MMP1: variants seen among roughly 807,000 people sequenced by gnomAD.
MMP1 encodes interstitial collagenase.
Under a neutral mutation model 49.6 loss-of-function variants are expected in MMP1, and 51 were observed. That is an observed-to-expected ratio of 1.03 (90% CI 0.82 to 1.30). The LOEUF is 1.30. Ranked by LOEUF, MMP1 falls within the 50% of genes most tolerant of loss-of-function variation. MMP1 has a pLI of 0.00. For synonymous variants in MMP1, 230 were observed against 196.8 expected, an observed-to-expected ratio of 1.17 and a Z score of -1.41; for missense variants, 623 against 568.7, an observed-to-expected ratio of 1.10 and a Z score of -0.97.
Position 102,794,995 on chromosome 11 carries a change from G to A in MMP1, c.899+179C>T, listed in dbSNP as rs938464660. On this transcript the variant is annotated intron_variant, in intron 6 of 9. Coordinates refer to ENST00000315274, the MANE Select transcript of MMP1 (RefSeq NM_002421.4). This position sits in a 1 kb window ranked among gnomAD's most constrained non-coding sequence, Gnocchi z 4.3. Reference sequence around the variant, plus strand: ...CTGAGAATCAGTTGACCTAATACATGTAGAAAAACAAAGTTGTTACAAGTA... The same window carrying A: ...CTGAGAATCAGTTGACCTAATACATATAGAAAAACAAAGTTGTTACAAGTA... Among the ~76,000 whole-genome samples the A allele has an allele frequency of 6.6e-6, 1 of 152,190 alleles. No homozygotes were observed. The highest frequency in any genetic ancestry group is 2.4e-5 in the African/African-American group (1 of 41,440).
rs769474098 is a variant in MMP1, at chr11:102,797,426, C to T, written c.180G>A (p.Val60=). 1 of 1,614,072 alleles carries T rather than the reference C, an allele frequency of 6.2e-7. No homozygotes were observed. Among genetic ancestry groups the T allele is most frequent in the Non-Finnish European group, 8.5e-7 (1 of 1,180,028 alleles). The change falls in exon 2 of 10, where the codon GTG becomes GTA. Residue 60 remains valine, a synonymous_variant. Transcript: ENST00000315274. The part of the protein sequence containing the change: ...QVEKRRNSGP[V]VEKLKQMQEF... Reference sequence around the variant, plus strand: ...CCTGCATTTGCTTCAATTTTTCAACCACTGGGCCACTATTTCTCCGCTTTT... The same window carrying T: ...CCTGCATTTGCTTCAATTTTTCAACTACTGGGCCACTATTTCTCCGCTTTT...
intron 5 of MMP1, 70 bp from the exon 6 acceptor site, chr11:102,795,361 C>T (rs1196321795): frequency 6.3e-7 from 1 of 1,597,168 alleles, no homozygotes; most frequent in African/African-American, 1.3e-5. Context: ...ATGAAGACAG[C>T]TTCTTCAAGG....
At chr11:102,790,561 T>G (rs761280098) in intron 9 of MMP1, 40 bp from the exon 10 acceptor site, 1 of 1,408,798 alleles carries the variant, frequency 7.1e-7, no homozygotes, top group Non-Finnish European at 9.9e-7. Context: ...ATTATACAAG[T>G]AGTTTCTAGG....
chr11:102,790,840 T>C, intron 8 of MMP1, 34 bp from the exon 9 acceptor site: 1 of 1,177,136 alleles, frequency 8.5e-7, no homozygotes, highest in Non-Finnish European at 1.3e-6. Context: ...GTCAGACCTT[T>C]TGCTAAACAT....
In MMP1 at chr11:102,798,123, G is replaced by A. The variant is rs1236940814; in HGVS notation, c.-31C>T. ...CCTTTGTCTTCTTTCTCAGTGCAAG[G>A]TAAGTGATGGCTTCCCAGCCTCTTG... On this transcript the variant is annotated 5_prime_UTR_variant, in exon 1 of 10. Transcript: ENST00000315274. 1.9e-6 allele frequency: 3 copies of A among 1,563,872 alleles called. No homozygotes were observed. Among genetic ancestry groups the A allele is most frequent in the Non-Finnish European group, 2.6e-6 (3 of 1,150,454 alleles).
intron 7 of MMP1, 117 bp from the exon 8 acceptor site, chr11:102,791,612 A>G: frequency 9.0e-7 from 1 of 1,115,884 alleles, no homozygotes; most frequent in South Asian, 1.6e-5. Flanking sequence ...TGCAGATTAG[A>G]ATCATCTAGG....
chr11:102,795,239 A>C lies in MMP1; in HGVS notation c.834T>G (p.Cys278Trp), dbSNP rs1246792892. 1.9e-6 allele frequency: 3 copies of C among 1,614,152 alleles called. No individual in the cohort carries two copies. The South Asian group carries it at 3.3e-5, about 18-fold the overall frequency. Residue 278 changes from cysteine to tryptophan, a missense_variant, in exon 6 of 10, where the codon TGT becomes TGG. By Grantham distance (215) the Cys-to-Trp change is radical. Coordinates refer to ENST00000315274, the MANE Select transcript of MMP1 (RefSeq NM_002421.4). Reference sequence around the variant, plus strand: ...TAGCATCAAAGGTTAGCTTACTGTCACACGCTTTTGGGGTTTGTGGGCCGA... The same window carrying C: ...TAGCATCAAAGGTTAGCTTACTGTCCCACGCTTTTGGGGTTTGTGGGCCGA... Reference protein sequence around the residue: ...QPIGPQTPKACDSKLTFDAIT... With the variant: ...QPIGPQTPKAWDSKLTFDAIT...
Position 102,792,711 on chromosome 11 carries a change from G to A in MMP1, c.927C>T (p.Tyr309=). ...AAATGAAATTGAGCTCAACTTCCGG[G>A]TAGAAGGGATTTGTGCGCATGTAGA... ...DRFYMRTNPF[Y]PEVELNFISV... Residue 309 remains tyrosine, a synonymous_variant, in exon 7 of 10, where the codon TAC becomes TAT. Coordinates refer to ENST00000315274, the MANE Select transcript of MMP1 (RefSeq NM_002421.4). 1 of 1,613,642 alleles carries A rather than the reference G, an allele frequency of 6.2e-7. No individual in the cohort carries two copies. The highest frequency in any genetic ancestry group is 8.5e-7 in the Non-Finnish European group (1 of 1,179,666).
rs1857983232 is a variant in MMP1 at position 102,790,125 on chromosome 11, G to A, written c.*287C>T. The A allele has an allele frequency of 2.8e-5, 6 of 211,242 alleles. 1 individual carries two copies. Among genetic ancestry groups the A allele is most frequent in the Middle Eastern group, 1.7e-3 (1 of 578 alleles). 13.1% of individuals were successfully genotyped at this position (211,242 alleles called of 1,614,324 possible). ...ACTGAAGCTGCTCTCTGGGATCAAC[G>A]TCAGAGTTGCATACTCTGGAAAAGA... is the stretch of plus-strand genomic sequence containing the variant. On this transcript the variant is annotated 3_prime_UTR_variant, in exon 10 of 10. Coordinates refer to ENST00000315274, the MANE Select transcript of MMP1 (RefSeq NM_002421.4).
Position 102,795,274 on chromosome 11 carries a change from C to A in MMP1, c.799G>T (p.Val267Phe), listed in dbSNP as rs747609029. The A allele has an allele frequency of 1.9e-5, 30 of 1,613,910 alleles. No individual in the cohort carries two copies. The Admixed American group carries it at 4.3e-4, about 23-fold the overall frequency. The change falls in exon 6 of 10, where the codon GTC becomes TTC. Residue 267 changes from valine (V) to phenylalanine (F), a missense_variant. Coordinates refer to ENST00000315274, the MANE Select transcript of MMP1 (RefSeq NM_002421.4). Reference protein sequence around the residue: ...QAIYGRSQNPVQPIGPQTPKA... With the variant: ...QAIYGRSQNPFQPIGPQTPKA... ...GGGGTTTGTGGGCCGATGGGCTGGA[C>A]AGGATTTTGGGAACGTCCTAAGGAA...
In MMP1 at chr11:102,794,814, T is replaced by C. The variant is rs1858135472; in HGVS notation, c.899+360A>G. ...CTTATCACCATAAAGAGTGGCATAA[T>C]GAAAAGAGACCTGAAATAGGGAACA... On this transcript the variant is annotated intron_variant, in intron 6 of 9. Coordinates refer to ENST00000315274, the MANE Select transcript of MMP1 (RefSeq NM_002421.4). This position sits in a 1 kb window ranked among gnomAD's most constrained non-coding sequence, Gnocchi z 4.3. 6.6e-6 allele frequency among the ~76,000 whole-genome samples: 1 copy of C among 152,186 alleles called. No individual in the cohort carries two copies. The highest frequency in any genetic ancestry group is 2.1e-4 in the South Asian group (1 of 4,826).
At chr11:102,790,828 G>C in intron 8 of MMP1, 22 bp from the exon 9 acceptor site, 1 of 1,368,928 alleles carries the variant, frequency 7.3e-7, no homozygotes, top group South Asian at 1.2e-5. Flanking sequence ...AGAGTTAAGA[G>C]TGTCAGACCT....
Position 102,790,468 on chromosome 11 carries a change from T to A in MMP1, c.1354A>T (p.Lys452Ter). The A allele has an allele frequency of 6.2e-7, 1 of 1,611,356 alleles. No homozygotes were observed. Among genetic ancestry groups the A allele is most frequent in the Non-Finnish European group, 8.5e-7 (1 of 1,178,704 alleles). The change falls in exon 10 of 10, where the codon AAG becomes TAG. Residue 452 changes from lysine to a stop codon, truncating the protein, a stop_gained. Coordinates refer to ENST00000315274, the MANE Select transcript of MMP1 (RefSeq NM_002421.4). LOFTEE classifies it high-confidence loss of function. ...GCTTTCTGGAGAGTCAAAATTCTCTTCGTTTTAGGATCAAATTTGTATTGT... is the reference window on the plus strand; with the variant it reads ...GCTTTCTGGAGAGTCAAAATTCTCTACGTTTTAGGATCAAATTTGTATTGT... ...TRQYKFDPKT[K>*]RILTLQKANS...
chr11:102,790,664 C>CGTAG lies in MMP1; in HGVS notation c.1300+38_1300+39insCTAC, dbSNP rs748746978. 4 of 1,425,066 alleles carry CGTAG rather than the reference C, an allele frequency of 2.8e-6. No homozygotes were observed. In the Admixed American group the frequency reaches 5.0e-5, roughly 18 times the overall value. The allele number at this position is 1,425,066 out of a possible 1,614,324, so 88.3% of individuals were successfully genotyped here. A position where few individuals can be genotyped will look rare whatever the true frequency, so the allele number is the denominator to read the frequency against. ...ACTAACAATAATGATGTTATTGCTA[C>CGTAG]GGCAATGAAATGGAGGAAATACATG... On this transcript the variant is annotated intron_variant, in intron 9 of 9. Coordinates refer to ENST00000315274, the MANE Select transcript of MMP1 (RefSeq NM_002421.4).
Position 102,796,759 on chromosome 11 carries a change from G to A in MMP1, c.530C>T (p.Pro177Leu), listed in dbSNP as rs749945286. The stretch of plus-strand genomic sequence containing the variant: ...AAAAGCATGAGCAAGATTTCCTCCA[G>A]GTCCATCAAAAGGAGAGTTGTCCCG... ...DHRDNSPFDG[P>L]GGNLAHAFQP... The change falls in exon 4 of 10, where the codon CCT becomes CTT. Residue 177 changes from proline (P) to leucine (L), a missense_variant. By Grantham distance (98) the Pro-to-Leu change is moderately conservative. Transcript: ENST00000315274. 13 of 1,613,586 alleles carry A rather than the reference G, an allele frequency of 8.1e-6. No individual in the cohort carries two copies. The East Asian group carries it at 2.5e-4, about 30-fold the overall frequency.
rs773882522 is a variant in MMP1, at chr11:102,792,742, A to G, written c.900-4T>C. ...GGGATTTGTGCGCATGTAGAATCTG[A>G]TTAGAAAAAAAGCAAGAAAAGTTTC... On this transcript the variant is annotated splice_region_variant and splice_polypyrimidine_tract_variant and intron_variant, in intron 6 of 9. Transcript: ENST00000315274. The G allele has an allele frequency of 2.2e-5, 35 of 1,593,532 alleles. No homozygotes were observed. Among genetic ancestry groups the G allele is most frequent in the Non-Finnish European group, 2.6e-5 (30 of 1,168,520 alleles).
At chr11:102,793,461 T>A (rs907672110) in intron 6 of MMP1, among the ~76,000 whole-genome samples, 5 of 152,194 alleles carry the variant, frequency 3.3e-5, no homozygotes, top group African/African-American at 1.2e-4. Flanking sequence ...ACAGCTAGCT[T>A]GCAAAATTCT....
At position 102,796,713 on chromosome 11, in the gene MMP1, T is replaced by C; in HGVS notation, c.576A>G (p.Gly192=). The C allele has an allele frequency of 1.2e-6, 2 of 1,613,936 alleles. No individual in the cohort carries two copies. The highest frequency in any genetic ancestry group is 1.7e-6 in the Non-Finnish European group (2 of 1,179,910). Residue 192 remains glycine, a synonymous_variant, in exon 4 of 10, where the codon GGA becomes GGG. Coordinates refer to ENST00000315274, the MANE Select transcript of MMP1 (RefSeq NM_002421.4). ...AHAFQPGPGI[G]GDAHFDEDER... is the part of the protein sequence containing the mutation. ...CATCTTCATCAAAATGAGCATCCCC[T>C]CCAATACCTGGGCCTGGTTGAAAAG... is the stretch of plus-strand genomic sequence containing the variant.
intron 4 of MMP1, among the ~76,000 whole-genome samples, chr11:102,796,279 C>T (rs1044521405): frequency 3.3e-5 from 5 of 152,198 alleles, no homozygotes; most frequent in Non-Finnish European, 5.9e-5. Context: ...ATTTACAAAA[C>T]TGATAAATGT....
Sources: allele counts gnomAD v4.1 joint callset (sites outside exome capture counted in the v4.1 genomes callset), GRCh38; gene constraint gnomAD v4.1.1; non-coding constraint Gnocchi (gnomAD v3.1); transcripts MANE v1.5; gene names NCBI Gene and HGNC (gene_info 2026-07-23, HGNC 2026-07-21).